Variants in BBOF1 observed in about 807,000 individuals in gnomAD.
BBOF1 encodes basal body orientation factor 1, also known as basal body-orientation factor 1.
In BBOF1, 62 loss-of-function variants were observed where a neutral mutation model predicts 68.0. The ratio of observed to expected loss-of-function variants is 0.91; its 90% CI spans 0.74 to 1.13. BBOF1 has a LOEUF of 1.13. Ranked by LOEUF, BBOF1 falls within the 50% of genes most tolerant of loss-of-function variation. The pLI, the probability that BBOF1 is intolerant of heterozygous loss-of-function variation, is 0.00. For synonymous variants in BBOF1, 208 were observed against 198.8 expected (o/e 1.05, Z -0.39); for missense variants, 534 against 600.1 (o/e 0.89, Z 1.15).
chr14:74,057,481 A>G (rs1442657247), intron 11 of BBOF1: 2 of 1,429,154 alleles, frequency 1.4e-6, no homozygotes, highest in Admixed American at 2.6e-5. Flanking sequence ...TTTTGTGTAG[A>G]AACCTATAGG....
At chr14:74,039,639 G>T (rs2059788725) in intron 4 of BBOF1, among the ~76,000 whole-genome samples, 1 of 150,148 alleles carries the variant, frequency 6.7e-6, no homozygotes. Flanking sequence ...GTTTCACCAT[G>T]TTGGTCAGGC....
chr14:74,042,865 C>T (rs1356310833), intron 5 of BBOF1, among the ~76,000 whole-genome samples: 1 of 115,398 alleles, frequency 8.7e-6, no homozygotes, highest in Middle Eastern at 4.1e-3. Context: ...CTCTCTTATA[C>T]ACACACACAC....
intron 9 of BBOF1, chr14:74,072,236 C>G: frequency 6.2e-7 from 1 of 1,614,212 alleles, no homozygotes; most frequent in South Asian, 1.1e-5. Flanking sequence ...GATAGCGGAG[C>G]AAGACCTGCT....
chr14:74,039,556 G>A (rs2059785014), intron 4 of BBOF1, among the ~76,000 whole-genome samples: 2 of 151,700 alleles, frequency 1.3e-5, no homozygotes, highest in Non-Finnish European at 2.9e-5. Context: ...AGCGTCCCAA[G>A]TAGCTGGGAT....
chr14:74,080,482 C>G (rs1217944680), intron 10 of BBOF1, among the ~76,000 whole-genome samples: 5 of 151,786 alleles, frequency 3.3e-5, no homozygotes, highest in Non-Finnish European at 7.4e-5. Context: ...ATCCTCCTGC[C>G]TTAGCCTCCC....
At chr14:74,045,705 G>A (rs756452871) in intron 5 of BBOF1, among the ~76,000 whole-genome samples, 1 of 152,218 alleles carries the variant, frequency 6.6e-6, no homozygotes, top group Non-Finnish European at 1.5e-5. Context: ...AGTAGAGGGA[G>A]AGGCTACTGA....
chr14:74,071,630 C>A, intron 9 of BBOF1: 3 of 1,563,868 alleles, frequency 1.9e-6, no homozygotes, highest in Non-Finnish European at 8.6e-7. Context: ...CTTGCCCTTC[C>A]AAGTTAAGGG....
chr14:74,063,640 C>A (rs1427099263), intron 11 of BBOF1, among the ~76,000 whole-genome samples: 1 of 151,024 alleles, frequency 6.6e-6, no homozygotes, highest in Non-Finnish European at 1.5e-5. Context: ...CTGAGGCAGG[C>A]GGATCACCTG....
intron 2 of BBOF1, among the ~76,000 whole-genome samples, chr14:74,024,957 G>T (rs1206618690): frequency 6.6e-6 from 1 of 151,962 alleles, no homozygotes; most frequent in East Asian, 1.9e-4. Flanking sequence ...TAGGGACGGG[G>T]TTTTGGCATG....
intron 11 of BBOF1, chr14:74,058,280 T>G (rs888472750): frequency 6.6e-6 from 1 of 152,112 alleles, no homozygotes; most frequent in Non-Finnish European, 1.5e-5. Flanking sequence ...TGAGCCGAGA[T>G]CGTGCCACTG....
In BBOF1 at chr14:74,065,077, G is replaced by T; in HGVS notation, c.*378G>T. The T allele has an allele frequency of 7.0e-7, 1 of 1,434,538 alleles. No homozygotes were observed. Among genetic ancestry groups the T allele is most frequent in the Non-Finnish European group, 9.7e-7 (1 of 1,027,874 alleles). 88.9% of individuals were successfully genotyped at this position (1,434,538 alleles called of 1,614,324 possible). ...GAGGAAGAAATGGGGCAATGTGGGA[G>T]GTCATGGGGGCAATCTTAAACCAAT... On this transcript the variant is annotated 3_prime_UTR_variant, in exon 12 of 12. Transcript: ENST00000394009.
intron 2 of BBOF1, among the ~76,000 whole-genome samples, chr14:74,028,235 G>A (rs1441647695): frequency 6.6e-6 from 1 of 152,028 alleles, no homozygotes; most frequent in African/African-American, 2.4e-5. Context: ...CAAGTGTGGT[G>A]GCGCATGCCT....
chr14:74,074,694 CAG>C (rs1231476630), intron 9 of BBOF1, among the ~76,000 whole-genome samples: 1 of 152,088 alleles, frequency 6.6e-6, no homozygotes, highest in Non-Finnish European at 1.5e-5. Context: ...GGTTGACAGA[CAG>C]ATGATCTGTA....
intron 11 of BBOF1, chr14:74,057,614 G>C (rs2060245752): frequency 7.5e-7 from 1 of 1,337,140 alleles, no homozygotes; most frequent in Non-Finnish European, 9.7e-7. Context: ...TTACAACCTA[G>C]AGGACAAAGG....
At position 74,049,739 on chromosome 14, in the gene BBOF1, A is replaced by G. The variant is rs757730443; in HGVS notation, c.830A>G (p.Gln277Arg). The G allele has an allele frequency of 6.2e-7, 1 of 1,611,644 alleles. No individual in the cohort carries two copies. Among genetic ancestry groups the G allele is most frequent in the Non-Finnish European group, 8.5e-7 (1 of 1,179,196 alleles). Residue 277 changes from glutamine (Q) to arginine (R), a missense_variant, in exon 8 of 12, where the codon CAA becomes CGA. Gln to Arg is a conservative substitution (Grantham distance 43). Transcript: ENST00000394009. ...NDLLVKEKIM[Q>R]LVQQRSQIQT... ...CTGTTGGTTAAGGAAAAGATTATGC[A>G]ACTTGTCCAGCAGAGATCACAAATC...
intron 9 of BBOF1, chr14:74,075,154 G>A: frequency 1.4e-6 from 1 of 729,248 alleles, no homozygotes; most frequent in Non-Finnish European, 2.4e-6. Context: ...TCATTAAAGA[G>A]AAAAGATATG....
At chr14:74,040,327 G>A (rs1197522100) in intron 4 of BBOF1, among the ~76,000 whole-genome samples, 2 of 152,142 alleles carry the variant, frequency 1.3e-5, no homozygotes, top group East Asian at 3.9e-4. Flanking sequence ...GCAGTTATCT[G>A]AAACTGCAAA....
At chr14:74,057,458 A>G (rs1474675611) in intron 11 of BBOF1, 200 bp downstream of exon 11, 6 of 1,456,946 alleles carry the variant, frequency 4.1e-6, no homozygotes, top group Non-Finnish European at 5.4e-6. Context: ...TGCAAATGCA[A>G]ATGTGTGCCT....
chr14:74,077,355 A>G (rs1000529127), intron 9 of BBOF1, among the ~76,000 whole-genome samples: 9 of 152,138 alleles, frequency 5.9e-5, no homozygotes, highest in Non-Finnish European at 8.8e-5. Context: ...TTGGTATCTT[A>G]TTCCGTTTTG....
Sources: gnomAD v4.1 joint callset for allele counts (sites outside exome capture counted in the v4.1 genomes callset) on GRCh38, gnomAD v4.1.1 for gene constraint, MANE v1.5 for transcripts, NCBI Gene and HGNC (gene_info 2026-07-23, HGNC 2026-07-21) for gene names.